The following DYSF variants were observed in gnomAD, a reference collection of about 807,000 sequenced individuals.
DYSF encodes the protein dystrophy-associated fer-1-like 1.
Under a neutral mutation model 274.9 loss-of-function variants are expected in DYSF, and 212 were observed. That is an observed-to-expected ratio of 0.77 (90% CI 0.69 to 0.86). The LOEUF is 0.86. Among genes scored for constraint, DYSF ranks in the 40% least tolerant of loss-of-function variants. The pLI, the probability that DYSF is intolerant of heterozygous loss-of-function variation, is 0.00. For missense variants in DYSF, 2,666 were observed against 2,783.2 expected (o/e 0.96, Z 0.95); for synonymous variants, 1,091 against 1,078.7 (o/e 1.01, Z -0.22).
chr2:71,459,035 T>G (rs1573231974), intron 1 of DYSF, among the ~76,000 whole-genome samples: 1 of 152,136 alleles, frequency 6.6e-6, no homozygotes, highest in Non-Finnish European at 1.5e-5. Flanking sequence ...GATACACAGG[T>G]CCCCTGTCAA....
At chr2:71,498,974 A>G (rs1364502829) in intron 3 of DYSF, among the ~76,000 whole-genome samples, 5 of 152,246 alleles carry the variant, frequency 3.3e-5, no homozygotes, top group African/African-American at 9.6e-5. Context: ...TAAGATTTTT[A>G]AGGAGTTTTT....
intron 42 of DYSF, among the ~76,000 whole-genome samples, chr2:71,652,243 T>C (rs1006695076): frequency 6.6e-6 from 1 of 152,232 alleles, no homozygotes; most frequent in Non-Finnish European, 1.5e-5. Context: ...TGTGATCACG[T>C]TCATGTTATC....
intron 20 of DYSF, among the ~76,000 whole-genome samples, chr2:71,553,544 G>A (rs2091110539): frequency 1.3e-5 from 2 of 152,190 alleles, no homozygotes; most frequent in African/African-American, 4.8e-5. Context: ...CCTAATGAGA[G>A]CTGCAGCTGT....
chr2:71,664,524 C>G, intron 46 of DYSF, 86 bp downstream of exon 46: 1 of 1,541,948 alleles, frequency 6.5e-7, no homozygotes, highest in Non-Finnish European at 8.9e-7. Flanking sequence ...TGAGCACTTA[C>G]TGTGTGCCAG....
chr2:71,548,861 C>T (rs980890812), intron 17 of DYSF, among the ~76,000 whole-genome samples: 4 of 152,122 alleles, frequency 2.6e-5, no homozygotes, highest in African/African-American at 9.7e-5. Context: ...TGTCCCTGCT[C>T]GGCGCGCCTG....
intron 17 of DYSF, among the ~76,000 whole-genome samples, chr2:71,542,398 TC>T (rs1413733797): frequency 8.0e-5 from 12 of 149,680 alleles, no homozygotes; most frequent in Non-Finnish European, 1.2e-4. Context: ...TTTTTATTGA[TC>T]ATTCTTGGGT....
chr2:71,467,121 T>C (rs2081590544), intron 1 of DYSF, among the ~76,000 whole-genome samples, 188 bp downstream of exon 1: 1 of 152,208 alleles, frequency 6.6e-6, no homozygotes, highest in Admixed American at 6.5e-5. Context: ...CAGAGCACAA[T>C]AAATGCCACA....
Position 71,526,282 on chromosome 2 carries a change from A to G in DYSF, c.1212A>G (p.Thr404=). 2 of 1,614,228 alleles carry G rather than the reference A, an allele frequency of 1.2e-6. No homozygotes were observed. Among genetic ancestry groups the G allele is most frequent in the Non-Finnish European group, 1.7e-6 (2 of 1,180,036 alleles). ...EDIESNLLRP[T]GVALRGAHFC... is the part of the protein sequence containing the mutation. ...TTGAAAGCAACCTGCTCCGGCCCAC[A>G]GGCGTAGCCCTGCGAGGAGCCCACT... The change falls in exon 13 of 56, where the codon ACA becomes ACG. Residue 404 remains threonine (T), a synonymous_variant. Transcript: ENST00000410020.
At chr2:71,515,501 A>T in intron 7 of DYSF, 122 bp from the exon 8 acceptor site, 3 of 1,424,114 alleles carry the variant, frequency 2.1e-6, no homozygotes, top group Non-Finnish European at 2.9e-6. Flanking sequence ...ATTCCTTTTT[A>T]ATACTTTCCC....
At chr2:71,596,620 T>C (rs2152853255) in intron 32 of DYSF, among the ~76,000 whole-genome samples, 1 of 152,160 alleles carries the variant, frequency 6.6e-6, no homozygotes, top group Non-Finnish European at 1.5e-5. Flanking sequence ...CCAGGTCCAG[T>C]GCATGGAAAG....
At position 71,659,130 on chromosome 2, in the gene DYSF, A is replaced by G. The variant is rs1033001710; in HGVS notation, c.4911+97A>G. The G allele has an allele frequency of 5.2e-6, 8 of 1,531,444 alleles. No individual in the cohort carries two copies. In the African/African-American group the frequency reaches 5.5e-5, roughly 10 times the overall value. The allele number at this position is 1,531,444 out of a possible 1,614,324, so 94.9% of individuals were successfully genotyped here. On this transcript the variant is annotated intron_variant, in intron 44 of 55. Transcript: ENST00000410020. ...ACAAACTCTGCCTCAGGGAGTTCATAGTAGGTTGGGAAACAGACAAACACA... is the reference window on the plus strand; with the variant it reads ...ACAAACTCTGCCTCAGGGAGTTCATGGTAGGTTGGGAAACAGACAAACACA...
intron 12 of DYSF, among the ~76,000 whole-genome samples, chr2:71,523,131 G>C (rs1406949790): frequency 6.6e-6 from 1 of 152,210 alleles, no homozygotes; most frequent in East Asian, 1.9e-4. Flanking sequence ...CAGAGACCCA[G>C]GCTCCTGGTC....
At chr2:71,670,129 G>A (rs1291531507) in intron 51 of DYSF, among the ~76,000 whole-genome samples, 1 of 152,014 alleles carries the variant, frequency 6.6e-6, no homozygotes, top group Non-Finnish European at 1.5e-5. Context: ...CACCATCTCT[G>A]CATCCACCCC....
intron 29 of DYSF, among the ~76,000 whole-genome samples, chr2:71,571,512 A>T (rs993449009): frequency 1.5e-5 from 2 of 136,964 alleles, no homozygotes; most frequent in Non-Finnish European, 3.1e-5. Flanking sequence ...CACACCCACC[A>T]CACACAGCTC....
At chr2:71,617,879 G>GTAGAGGT (rs2093938263) in intron 40 of DYSF, among the ~76,000 whole-genome samples, 1 of 20,666 alleles carries the variant, frequency 4.8e-5, no homozygotes, top group African/African-American at 1.4e-4. Context: ...GTAGAGGTGG[G>GTAGAGGT]GTGTGTGTGG....
At chr2:71,604,127 G>A (rs1428332466) in intron 36 of DYSF, among the ~76,000 whole-genome samples, 2 of 152,122 alleles carry the variant, frequency 1.3e-5, no homozygotes, top group Admixed American at 6.5e-5. Context: ...AGGGTCCAAG[G>A]AGGACCTATC....
chr2:71,520,290 T>C, intron 11 of DYSF, 82 bp downstream of exon 11: 1 of 1,449,386 alleles, frequency 6.9e-7, no homozygotes. Flanking sequence ...GTCCTCACTG[T>C]CCCTCCTGGG....
intron 20 of DYSF, 59 bp from the exon 21 acceptor site, chr2:71,553,747 AC>A: frequency 1.1e-6 from 1 of 872,682 alleles, no homozygotes; most frequent in Non-Finnish European, 1.8e-6. Flanking sequence ...CACTCTTAGC[AC>A]CCCATCCCAC....
intron 36 of DYSF, among the ~76,000 whole-genome samples, chr2:71,605,234 C>A (rs2093624707): frequency 6.6e-6 from 1 of 152,242 alleles, no homozygotes; most frequent in Non-Finnish European, 1.5e-5. Flanking sequence ...CTCCCCGCCT[C>A]TTCTGAGCCC....
Sources: allele counts gnomAD v4.1 joint callset (sites outside exome capture counted in the v4.1 genomes callset), GRCh38; gene constraint gnomAD v4.1.1; transcripts MANE v1.5; gene names NCBI Gene and HGNC (gene_info 2026-07-23, HGNC 2026-07-21).